The following CHD6 variants were observed in gnomAD, a reference collection of about 807,000 sequenced individuals.
CHD6 encodes chromodomain helicase DNA binding protein 6.
A neutral mutation model predicts 276.9 loss-of-function variants in CHD6; 50 were observed. That is an observed-to-expected ratio of 0.18 (90% CI 0.14 to 0.23). The LOEUF is 0.23. Ranked by LOEUF, CHD6 falls within the 10% of genes least tolerant of loss-of-function variation. The pLI is 1.00. For synonymous variants in CHD6, 1,173 were observed against 1,229.3 expected (o/e 0.95, Z 0.96); for missense variants, 2,564 against 3,365.8 (o/e 0.76, Z 5.89).
rs1164919842 is a variant in CHD6 at position 41,440,357 on chromosome 20, C to CA, written c.3878-229dup. On this transcript the variant is annotated intron_variant, in intron 25 of 36. Coordinates refer to ENST00000373233, the MANE Select transcript of CHD6 (RefSeq NM_032221.5). ...ACAAACAATGGCTTACGGAAATACT[C>CA]AGTGTCCGTGAAAAGACAATTGTAT... is the stretch of plus-strand genomic sequence containing the variant. 3.9e-5 allele frequency among the ~76,000 whole-genome samples: 6 copies of CA among 152,200 alleles called. No homozygotes were observed. In the East Asian group the frequency reaches 9.6e-4, roughly 24 times the overall value.
At chr20:41,467,084 C>T (rs1231011323) in intron 17 of CHD6, among the ~76,000 whole-genome samples, 2 of 152,178 alleles carry the variant, frequency 1.3e-5, no homozygotes, top group African/African-American at 4.8e-5. Flanking sequence ...TCCTCAACTG[C>T]CTACCTCTGG....
intron 3 of CHD6, among the ~76,000 whole-genome samples, chr20:41,520,468 C>T (rs1042754935): frequency 1.5e-4 from 23 of 152,068 alleles, no homozygotes; most frequent in African/African-American, 5.3e-4. Context: ...GGCACATATA[C>T]ACCATGGAAT....
intron 2 of CHD6, among the ~76,000 whole-genome samples, chr20:41,545,856 C>A (rs2045029459): frequency 1.3e-5 from 2 of 152,062 alleles, no homozygotes; most frequent in South Asian, 4.1e-4. Flanking sequence ...GACCCTGAAG[C>A]AAAAAGCCTG....
chr20:41,478,143 A>G (rs2043207460), intron 16 of CHD6, among the ~76,000 whole-genome samples: 2 of 152,204 alleles, frequency 1.3e-5, no homozygotes, highest in Middle Eastern at 3.2e-3. Context: ...CCAGATGCAC[A>G]GTGCTCCCAT....
intron 3 of CHD6, among the ~76,000 whole-genome samples, chr20:41,516,421 G>C (rs2044253112): frequency 6.6e-6 from 1 of 152,140 alleles, no homozygotes; most frequent in African/African-American, 2.4e-5. Context: ...TGATCTGCCT[G>C]CCTCAGCCTT....
intron 1 of CHD6, among the ~76,000 whole-genome samples, chr20:41,610,250 C>T (rs2045872567): frequency 6.6e-6 from 1 of 152,112 alleles, no homozygotes; most frequent in Non-Finnish European, 1.5e-5. Context: ...TACAATCAAT[C>T]TTATCATTGA....
intron 24 of CHD6, among the ~76,000 whole-genome samples, chr20:41,447,125 T>G (rs1207587267): frequency 2.4e-4 from 36 of 152,226 alleles, no homozygotes; most frequent in Admixed American, 2.4e-3. Flanking sequence ...GGGTTGTCTA[T>G]GTCCCTCTCT....
intron 14 of CHD6, among the ~76,000 whole-genome samples, chr20:41,486,717 C>T (rs1161311258): frequency 6.6e-6 from 1 of 152,154 alleles, no homozygotes; most frequent in Admixed American, 6.5e-5. Context: ...TTCAAACTAC[C>T]TTTCAACATC....
chr20:41,410,479 G>C (rs944233012), intron 36 of CHD6, among the ~76,000 whole-genome samples: 2 of 152,148 alleles, frequency 1.3e-5, no homozygotes, highest in African/African-American at 4.8e-5. Context: ...AATGGACTAA[G>C]GTTCTATGGC....
At chr20:41,536,975 A>T (rs1020290935) in intron 2 of CHD6, among the ~76,000 whole-genome samples, 5 of 152,210 alleles carry the variant, frequency 3.3e-5, no homozygotes, top group African/African-American at 1.2e-4. Flanking sequence ...GAAGGTTGAA[A>T]GGGAAGATAC....
chr20:41,477,613 G>A (rs1300146865), intron 16 of CHD6, among the ~76,000 whole-genome samples: 1 of 152,036 alleles, frequency 6.6e-6, no homozygotes, highest in East Asian at 1.9e-4. Context: ...GACAGTAAAG[G>A]ATGTTTTAAA....
chr20:41,480,507 T>C (rs1339359832), intron 16 of CHD6, among the ~76,000 whole-genome samples: 1 of 152,174 alleles, frequency 6.6e-6, no homozygotes, highest in Non-Finnish European at 1.5e-5. Flanking sequence ...TCCTAAGTCA[T>C]AATAAACAAC....
intron 7 of CHD6, 27 bp from the exon 8 acceptor site, chr20:41,497,528 G>A: frequency 1.4e-6 from 2 of 1,471,420 alleles, no homozygotes; most frequent in Admixed American, 1.7e-5. Flanking sequence ...AAATTGTCAG[G>A]CAAGCACATA....
At chr20:41,599,696 T>C (rs2045754482) in intron 1 of CHD6, among the ~76,000 whole-genome samples, 1 of 152,232 alleles carries the variant, frequency 6.6e-6, no homozygotes, top group Admixed American at 6.5e-5. Flanking sequence ...AATAAGTTCC[T>C]CTTCAAAGCT....
intron 1 of CHD6, chr20:41,564,300 C>A: frequency 1.7e-6 from 1 of 575,810 alleles, no homozygotes; most frequent in South Asian, 2.3e-5. Context: ...AAACTCACAA[C>A]TCCCAATGTA....
intron 1 of CHD6, among the ~76,000 whole-genome samples, chr20:41,554,534 G>GCGGCCTTC (rs1173698702): frequency 5.3e-5 from 8 of 151,552 alleles, no homozygotes; most frequent in African/African-American, 1.9e-4. Flanking sequence ...AGAGGACCCT[G>GCGGCCTTC]CGGCCTTCCG....
intron 1 of CHD6, among the ~76,000 whole-genome samples, chr20:41,561,361 T>G (rs890561189): frequency 5.9e-5 from 9 of 152,206 alleles, no homozygotes; most frequent in South Asian, 2.1e-4. Context: ...ATTTAAAAAT[T>G]TGCATGGTTT....
chr20:41,489,248 C>T (rs1391822973), intron 12 of CHD6, among the ~76,000 whole-genome samples: 1 of 152,100 alleles, frequency 6.6e-6, no homozygotes, highest in African/African-American at 2.4e-5. Context: ...TAATTTTTAC[C>T]TTAATTATAA....
At chr20:41,534,092 C>T (rs1240798804) in intron 2 of CHD6, among the ~76,000 whole-genome samples, 1 of 152,194 alleles carries the variant, frequency 6.6e-6, no homozygotes, top group Non-Finnish European at 1.5e-5. Context: ...GAAGTTATAT[C>T]TCATTCTTTC....
Sources: gnomAD v4.1 joint callset for allele counts (sites outside exome capture counted in the v4.1 genomes callset) on GRCh38, gnomAD v4.1.1 for gene constraint, MANE v1.5 for transcripts, NCBI Gene and HGNC (gene_info 2026-07-23, HGNC 2026-07-21) for gene names.